Variants in SCFD2 observed in about 807,000 individuals in gnomAD.
SCFD2 encodes sec1 family domain-containing protein 2.
In SCFD2, 54 loss-of-function variants were observed where a neutral mutation model predicts 58.9. That is an observed-to-expected ratio of 0.92 (90% CI 0.74 to 1.15). SCFD2 has a LOEUF of 1.15. SCFD2 is among the 50% of genes most tolerant of loss of function. SCFD2 has a pLI of 0.00. For synonymous variants in SCFD2, 321 were observed against 335.9 expected (o/e 0.96, Z 0.49); for missense variants, 805 against 836.6 (o/e 0.96, Z 0.47).
intron 5 of SCFD2, among the ~76,000 whole-genome samples, chr4:52,970,031 G>C (rs766051439): frequency 6.6e-6 from 1 of 152,132 alleles, no homozygotes; most frequent in Non-Finnish European, 1.5e-5. Context: ...GAAAACAATT[G>C]GGGCGTGGAG....
rs1253046430 is a variant in SCFD2 at position 53,179,699 on chromosome 4, G to C, written c.1312-34117C>G. On this transcript the variant is annotated intron_variant, in intron 4 of 8. Coordinates refer to ENST00000401642, the MANE Select transcript of SCFD2 (RefSeq NM_152540.4). ...CTAAATGCTCCAATTAAAAGACACA[G>C]ACTGGCAAATTGGATCAAGAGTCAA... Among the ~76,000 whole-genome samples, 3 of 152,132 alleles carry C rather than the reference G, an allele frequency of 2.0e-5. No individual in the cohort carries two copies. In the East Asian group the frequency reaches 5.8e-4, roughly 29 times the overall value.
chr4:53,154,124 A>C (rs917536953), intron 4 of SCFD2, among the ~76,000 whole-genome samples: 18 of 152,094 alleles, frequency 1.2e-4, no homozygotes, highest in African/African-American at 4.3e-4. Context: ...CCACATTCTC[A>C]AGTATTTTTA....
rs1038977291 is a variant in SCFD2 at position 53,256,784 on chromosome 4, A to AG, written c.1311+17041dup. Among the ~76,000 whole-genome samples, 12 of 151,126 alleles carry AG rather than the reference A, an allele frequency of 7.9e-5. No individual in the cohort carries two copies. The East Asian group carries it at 2.2e-3, about 27-fold the overall frequency. On this transcript the variant is annotated intron_variant, in intron 4 of 8. Transcript: ENST00000401642. The stretch of plus-strand genomic sequence containing the variant: ...GCAGGCTGAGGCAGGAGAATCAGGC[A>AG]GGGGGGTTGCAGTGAGCCGAGATGG...
intron 5 of SCFD2, among the ~76,000 whole-genome samples, chr4:53,011,364 C>T (rs1722089878): frequency 1.3e-5 from 2 of 152,118 alleles, no homozygotes; most frequent in Admixed American, 6.6e-5. Context: ...TTCAGTGTTA[C>T]AATTCATGCT....
chr4:53,142,544 G>T (rs572709339), intron 5 of SCFD2, among the ~76,000 whole-genome samples: 1 of 152,268 alleles, frequency 6.6e-6, no homozygotes, highest in Admixed American at 6.5e-5. Context: ...CACTGTAAAA[G>T]CCAGGCTAAC....
intron 4 of SCFD2, among the ~76,000 whole-genome samples, chr4:53,239,343 AGAGAGG>A (rs1414180157): frequency 1.3e-5 from 2 of 148,594 alleles, no homozygotes; most frequent in African/African-American, 4.9e-5. Context: ...GACCGTGGAA[AGAGAGG>A]GAGAGGGAGA....
At chr4:53,076,056 A>C (rs1723964533) in intron 5 of SCFD2, among the ~76,000 whole-genome samples, 1 of 152,162 alleles carries the variant, frequency 6.6e-6, no homozygotes, top group Non-Finnish European at 1.5e-5. Flanking sequence ...TATTTGCCCC[A>C]AAAAAGTAGT....
At chr4:53,210,049 T>C (rs1032636440) in intron 4 of SCFD2, among the ~76,000 whole-genome samples, 18 of 152,160 alleles carry the variant, frequency 1.2e-4, no homozygotes, top group African/African-American at 3.6e-4. Context: ...AGACTTCAAC[T>C]ATAGTTTTAA....
chr4:53,079,823 A>G (rs1724089305), intron 5 of SCFD2, among the ~76,000 whole-genome samples: 1 of 152,202 alleles, frequency 6.6e-6, no homozygotes, highest in Non-Finnish European at 1.5e-5. Context: ...CACTCTCTCC[A>G]TTATAAATCA....
At chr4:53,245,867 A>G (rs573541416) in intron 4 of SCFD2, among the ~76,000 whole-genome samples, 97 of 152,304 alleles carry the variant, frequency 6.4e-4, no homozygotes, top group Admixed American at 1.2e-3. Context: ...TAGGCAAGAG[A>G]AATAAATAAA....
chr4:53,228,248 C>T (rs921453318), intron 4 of SCFD2, among the ~76,000 whole-genome samples: 9 of 152,120 alleles, frequency 5.9e-5, no homozygotes, highest in African/African-American at 2.2e-4. Context: ...CTTGTAAAGA[C>T]TTCAGGATGA....
In SCFD2 at chr4:52,885,737, G is replaced by T; in HGVS notation, c.1962+10C>A. ...CTGAGCTCTTGTTCAAAGCATGGAG[G>T]ACTCAGTACCTGGGTTCCTGGCTTC... On this transcript the variant is annotated intron_variant, in intron 8 of 8. Coordinates refer to ENST00000401642, the MANE Select transcript of SCFD2 (RefSeq NM_152540.4). 2 of 1,613,612 alleles carry T rather than the reference G, an allele frequency of 1.2e-6. No individual in the cohort carries two copies. Among genetic ancestry groups the T allele is most frequent in the South Asian group, 1.1e-5 (1 of 90,990 alleles).
chr4:52,982,229 A>G (rs2109568791), intron 5 of SCFD2, among the ~76,000 whole-genome samples: 1 of 152,232 alleles, frequency 6.6e-6, no homozygotes, highest in South Asian at 2.1e-4. Flanking sequence ...GGTGGTGGTT[A>G]TTTTCACTGT....
intron 4 of SCFD2, among the ~76,000 whole-genome samples, chr4:53,233,943 AAACT>A (rs1729516841): frequency 6.6e-6 from 1 of 152,228 alleles, no homozygotes; most frequent in Non-Finnish European, 1.5e-5. Context: ...AAAGAAAAAC[AAACT>A]AATGGGAAAC....
chr4:53,194,624 C>T (rs1283306054), intron 4 of SCFD2, among the ~76,000 whole-genome samples: 1 of 152,112 alleles, frequency 6.6e-6, no homozygotes, highest in Non-Finnish European at 1.5e-5. Context: ...AGAAATCCAT[C>T]ATTAGAAAAT....
chr4:53,027,744 C>T (rs1157612932), intron 5 of SCFD2, among the ~76,000 whole-genome samples: 1 of 152,144 alleles, frequency 6.6e-6, no homozygotes, highest in African/African-American at 2.4e-5. Context: ...GGGAGGATCG[C>T]TTGAGCCCAG....
chr4:52,960,632 G>A (rs1052201841), intron 5 of SCFD2, among the ~76,000 whole-genome samples: 1 of 151,998 alleles, frequency 6.6e-6, no homozygotes, highest in African/African-American at 2.4e-5. Context: ...GCCTCCCAAA[G>A]TGTTGGGATT....
chr4:53,365,793 C>T lies in SCFD2; in HGVS notation c.149G>A (p.Gly50Glu). 1.2e-6 allele frequency: 2 copies of T among 1,613,964 alleles called. No homozygotes were observed. The highest frequency in any genetic ancestry group is 1.7e-6 in the Non-Finnish European group (2 of 1,179,968). ...CTCTCGCAGGTGACAGTCAGGACCC[C>T]CCACCGCCTCCAGGAGACGGGTGGA... ...CGSTRLLEAV[G>E]GPDCHLREFE... Residue 50 changes from glycine (G) to glutamate (E), a missense_variant, in exon 1 of 9, where the codon GGG becomes GAG. Physicochemically the swap from Gly to Glu is moderately conservative, Grantham distance 98. Coordinates refer to ENST00000401642, the MANE Select transcript of SCFD2 (RefSeq NM_152540.4). The surrounding 1 kb of genome is among the most constrained non-coding windows in gnomAD (Gnocchi z 4.3).
chr4:52,945,432 C>T (rs1357335698), intron 5 of SCFD2, among the ~76,000 whole-genome samples: 1 of 152,170 alleles, frequency 6.6e-6, no homozygotes, highest in East Asian at 1.9e-4. Flanking sequence ...ATCCTCTCCC[C>T]CTCAACACAT....
Sources: allele counts gnomAD v4.1 joint callset (sites outside exome capture counted in the v4.1 genomes callset), GRCh38; gene constraint gnomAD v4.1.1; non-coding constraint Gnocchi (gnomAD v3.1); transcripts MANE v1.5; gene names NCBI Gene and HGNC (gene_info 2026-07-23, HGNC 2026-07-21).